PCSK5: variants seen among roughly 807,000 people sequenced by gnomAD.
PCSK5 encodes the protein prohormone convertase 5.
In PCSK5, 129 loss-of-function variants were observed where a neutral mutation model predicts 233.2. The ratio of observed to expected loss-of-function variants is 0.55; its 90% CI spans 0.48 to 0.64. The LOEUF is 0.64. PCSK5 is among the 30% of genes least tolerant of loss of function. The pLI is 0.00. For synonymous variants in PCSK5, 825 were observed against 879.2 expected, an observed-to-expected ratio of 0.94 and a Z score of 1.09; for missense variants, 2,076 against 2,430.1, an observed-to-expected ratio of 0.85 and a Z score of 3.06.
intron 20 of PCSK5, among the ~76,000 whole-genome samples, chr9:76,196,293 G>A (rs752690530): frequency 6.6e-6 from 1 of 152,234 alleles, no homozygotes; most frequent in African/African-American, 2.4e-5. Context: ...TGGGGGCAAG[G>A]AGGTAGGCAG....
At chr9:75,979,617 T>C (rs1013877453) in intron 2 of PCSK5, among the ~76,000 whole-genome samples, 2 of 152,336 alleles carry the variant, frequency 1.3e-5, no homozygotes, top group East Asian at 3.9e-4. Flanking sequence ...CTGTAGCTCA[T>C]GGATGAACTG....
At chr9:76,247,508 C>T (rs578254729) in intron 24 of PCSK5, among the ~76,000 whole-genome samples, 7 of 152,148 alleles carry the variant, frequency 4.6e-5, no homozygotes, top group Admixed American at 2.0e-4. Context: ...CTGATTGGTC[C>T]GGTGTGAGCT....
At chr9:75,900,832 G>C (rs1825999232) in intron 1 of PCSK5, among the ~76,000 whole-genome samples, 1 of 151,334 alleles carries the variant, frequency 6.6e-6, no homozygotes, top group Non-Finnish European at 1.5e-5. Flanking sequence ...GTGAATTTGT[G>C]TGTGTGTGTC....
At chr9:75,968,592 C>T (rs575208843) in intron 2 of PCSK5, among the ~76,000 whole-genome samples, 2 of 152,220 alleles carry the variant, frequency 1.3e-5, no homozygotes, top group Non-Finnish European at 2.9e-5. Flanking sequence ...CTAGAAGGTG[C>T]GAGGGTGAAA....
intron 8 of PCSK5, among the ~76,000 whole-genome samples, chr9:76,097,760 A>C (rs1296209736): frequency 1.3e-5 from 2 of 152,274 alleles, no homozygotes; most frequent in Non-Finnish European, 2.9e-5. Context: ...TGCCTAGCAC[A>C]GTACCCGGCC....
At chr9:76,036,472 C>CA (rs1420769564) in intron 5 of PCSK5, among the ~76,000 whole-genome samples, 2 of 152,122 alleles carry the variant, frequency 1.3e-5, no homozygotes, top group African/African-American at 4.8e-5. Context: ...GTACCAGCCC[C>CA]AGCCTTTTTA....
At chr9:76,341,744 C>T (rs1829842885) in intron 35 of PCSK5, among the ~76,000 whole-genome samples, 1 of 152,138 alleles carries the variant, frequency 6.6e-6, no homozygotes, top group Admixed American at 6.6e-5. Flanking sequence ...TAACTCTAAC[C>T]CTGTCTTCAA....
intron 36 of PCSK5, among the ~76,000 whole-genome samples, chr9:76,351,429 C>G (rs10869759): frequency 0.23 from 21,975 of 95,894 alleles, 4,562 homozygotes; most frequent in East Asian, 0.7. Flanking sequence ...ACCGCCCCCC[C>G]CTGCAATGTG....
chr9:76,106,068 C>T (rs1157619666), intron 8 of PCSK5, among the ~76,000 whole-genome samples: 2 of 152,228 alleles, frequency 1.3e-5, no homozygotes, highest in Non-Finnish European at 2.9e-5. Flanking sequence ...TTTCACACTC[C>T]TCTTGAAGGA....
At chr9:76,132,417 A>G (rs758453645) in intron 9 of PCSK5, among the ~76,000 whole-genome samples, 5 of 152,082 alleles carry the variant, frequency 3.3e-5, no homozygotes, top group Non-Finnish European at 5.9e-5. Flanking sequence ...AAGTTTATGT[A>G]GTTGGGGTTT....
At chr9:75,978,713 A>T (rs1826132363) in intron 2 of PCSK5, among the ~76,000 whole-genome samples, 1 of 152,202 alleles carries the variant, frequency 6.6e-6, no homozygotes, top group Non-Finnish European at 1.5e-5. Context: ...AGATTCATCC[A>T]ACAACTGATA....
chr9:76,209,426 T>G (rs1033774751), intron 20 of PCSK5: 2 of 476,824 alleles, frequency 4.2e-6, no homozygotes, highest in Non-Finnish European at 8.3e-6. Context: ...ATCTCCTGTG[T>G]TATGATGTAA....
intron 8 of PCSK5, among the ~76,000 whole-genome samples, chr9:76,105,922 A>G (rs999241522): frequency 6.6e-5 from 10 of 152,238 alleles, no homozygotes; most frequent in Admixed American, 2.6e-4. Flanking sequence ...GATCCATGAG[A>G]GGTCATAAAA....
intron 5 of PCSK5, among the ~76,000 whole-genome samples, chr9:76,049,149 A>G (rs529912566): frequency 2.0e-5 from 3 of 152,240 alleles, no homozygotes; most frequent in South Asian, 2.1e-4. Flanking sequence ...CAGAGACTGC[A>G]TGTGTCCCCA....
chr9:76,282,352 C>CT (rs34892445), intron 24 of PCSK5, among the ~76,000 whole-genome samples: 57,089 of 130,940 alleles, frequency 0.44, 12,819 homozygotes, highest in East Asian at 0.72. Flanking sequence ...TTTCTTCTGT[C>CT]TTTTTTTTTT....
intron 3 of PCSK5, among the ~76,000 whole-genome samples, chr9:76,000,929 TA>T (rs1163923957): frequency 3.3e-5 from 5 of 151,732 alleles, no homozygotes; most frequent in African/African-American, 4.8e-5. Flanking sequence ...TTTTTTTTTT[TA>T]AACTCATATT....
At chr9:76,137,908 C>G (rs1823047495) in intron 10 of PCSK5, among the ~76,000 whole-genome samples, 1 of 152,040 alleles carries the variant, frequency 6.6e-6, no homozygotes, top group Admixed American at 6.6e-5. Context: ...TCCCTTTCTG[C>G]TTAGGAAAAG....
chr9:76,023,920 GA>G lies in PCSK5; in HGVS notation c.555+42del, dbSNP rs768517574. 4.5e-6 allele frequency: 7 copies of G among 1,540,872 alleles called. No individual in the cohort carries two copies. The South Asian group carries it at 8.7e-5, about 19-fold the overall frequency. ...GTGGTTAGAAGGTCTTTCCTTCTGG[GA>G]AACAGAGAAACTCATGTTAGGATTA... On this transcript the variant is annotated intron_variant, in intron 4 of 37. Transcript: ENST00000674117.
Position 75,932,383 on chromosome 9 carries a change from G to T in PCSK5, c.197G>T (p.Gly66Val). Residue 66 changes from glycine (G) to valine (V), a missense_variant, in exon 2 of 38, where the codon GGG becomes GTG. Gly to Val is a moderately radical substitution (Grantham distance 109). Coordinates refer to ENST00000674117, the MANE Select transcript of PCSK5 (RefSeq NM_001372043.1). ...CTTCCCACCCTTCCTTTGCAGATAG[G>T]GGCCCTGAAGGACTACTACCACTTC... ...KYGFINIGQI[G>V]ALKDYYHFYH... 1 of 1,593,320 alleles carries T rather than the reference G, an allele frequency of 6.3e-7. No individual in the cohort carries two copies. The highest frequency in any genetic ancestry group is 8.6e-7 in the Non-Finnish European group (1 of 1,162,488).
Sources: allele counts gnomAD v4.1 joint callset (sites outside exome capture counted in the v4.1 genomes callset), GRCh38; gene constraint gnomAD v4.1.1; transcripts MANE v1.5; gene names NCBI Gene and HGNC (gene_info 2026-07-23, HGNC 2026-07-21).